Variants in ZNF676 observed in about 807,000 individuals in gnomAD.
ZNF676 encodes the protein zinc finger protein 676.
In ZNF676, 4 loss-of-function variants were observed where a neutral mutation model predicts 6.0. That is an observed-to-expected ratio of 0.67 (90% CI 0.33 to 1.53). The LOEUF (loss-of-function observed/expected upper bound fraction) is 1.53, where lower values mean the gene tolerates loss of function less well. Ranked by LOEUF, ZNF676 falls within the 40% of genes most tolerant of loss-of-function variation. The pLI, the probability that ZNF676 is intolerant of heterozygous loss-of-function variation, is 0.06. For missense variants in ZNF676, 644 were observed against 679.7 expected, an observed-to-expected ratio of 0.95 and a Z score of 0.58; for synonymous variants, 198 against 223.1, an observed-to-expected ratio of 0.89 and a Z score of 1.00.
the ZNF676 span, among the ~76,000 whole-genome samples, chr19:22,247,424 C>T: frequency 2.6e-5 from 4 of 152,050 alleles, no homozygotes; most frequent in East Asian, 3.9e-4. Context: ...ACTAGCTGGG[C>T]GTGTTGACAT....
rs775446763 is a variant in ZNF676 at position 22,180,253 on chromosome 19, C to G, written c.1464G>C (p.Thr488=). ...TCTTATGTTTAGTAAGGATTGAGAACGTACTAAAGCCTTTGCCACATTCTT... is the reference window on the plus strand; with the variant it reads ...TCTTATGTTTAGTAAGGATTGAGAAGGTACTAAAGCCTTTGCCACATTCTT... ...KCEECGKGFS[T]FSILTKHKII... The change falls in exon 3 of 3, where the codon ACG becomes ACC. Residue 488 remains threonine (T), a synonymous_variant. Transcript: ENST00000397121. The G allele has an allele frequency of 6.2e-7, 1 of 1,611,418 alleles. No individual in the cohort carries two copies. The highest frequency in any genetic ancestry group is 1.3e-5 in the African/African-American group (1 of 74,252).
upstream of ZNF676, among the ~76,000 whole-genome samples, chr19:22,217,233 G>T (rs1447952976): frequency 6.6e-6 from 1 of 151,768 alleles, no homozygotes; most frequent in East Asian, 1.9e-4. Context: ...ACAGAGTTTC[G>T]CTCTTATTGC....
the ZNF676 span, among the ~76,000 whole-genome samples, chr19:22,235,076 G>A: frequency 2.0e-5 from 3 of 148,066 alleles, no homozygotes; most frequent in African/African-American, 7.6e-5. Flanking sequence ...AAGGAAGTCA[G>A]GAAGGCAGGA....
intron 1 of ZNF676, among the ~76,000 whole-genome samples, chr19:22,196,056 A>G (rs2023963391): frequency 6.6e-6 from 1 of 152,176 alleles, no homozygotes; most frequent in African/African-American, 2.4e-5. Flanking sequence ...ACCAATCACA[A>G]AATGAGAGCT....
At chr19:22,224,414 C>T in the ZNF676 span, among the ~76,000 whole-genome samples, 1 of 141,452 alleles carries the variant, frequency 7.1e-6, no homozygotes, top group Non-Finnish European at 1.6e-5. Context: ...GTGTTTTTAT[C>T]TATAAATATG....
chr19:22,181,922 T>C (rs985688264), intron 2 of ZNF676, among the ~76,000 whole-genome samples: 3 of 143,622 alleles, frequency 2.1e-5, no homozygotes, highest in Admixed American at 1.4e-4. Flanking sequence ...AAATTGTCCA[T>C]TTCTGATTTT....
chr19:22,186,461 G>A (rs564433040), intron 2 of ZNF676, among the ~76,000 whole-genome samples: 2 of 152,272 alleles, frequency 1.3e-5, no homozygotes, highest in South Asian at 2.1e-4. Context: ...ACACTATGAA[G>A]AAACTGCATC....
intron 1 of ZNF676, among the ~76,000 whole-genome samples, chr19:22,194,919 C>T (rs975537542): frequency 2.6e-5 from 4 of 152,144 alleles, no homozygotes; most frequent in African/African-American, 9.7e-5. Flanking sequence ...GACAAACCTA[C>T]CAAAGTACCC....
At chr19:22,255,267 A>C in the ZNF676 span, among the ~76,000 whole-genome samples, 52,854 of 151,864 alleles carry the variant, frequency 0.35, 9,725 homozygotes, top group South Asian at 0.5. Flanking sequence ...AGAACCTCAA[A>C]ATTGGCTGGG....
chr19:22,247,938 T>C, the ZNF676 span, among the ~76,000 whole-genome samples: 1 of 118,258 alleles, frequency 8.5e-6, no homozygotes, highest in Non-Finnish European at 1.6e-5. Flanking sequence ...GATGTTCCCC[T>C]TCCTGTGTCC....
intron 1 of ZNF676, among the ~76,000 whole-genome samples, chr19:22,204,184 A>G (rs1163090263): frequency 1.3e-5 from 2 of 152,126 alleles, no homozygotes; most frequent in Non-Finnish European, 2.9e-5. Flanking sequence ...CCTACCTATA[A>G]TTTTTCCTAT....
the ZNF676 span, among the ~76,000 whole-genome samples, chr19:22,254,600 A>G: frequency 6.6e-6 from 1 of 152,300 alleles, no homozygotes; most frequent in African/African-American, 2.4e-5. Flanking sequence ...GAAGAGTCAC[A>G]TCACCTAGGT....
chr19:22,205,569 T>C (rs932933509), intron 1 of ZNF676, among the ~76,000 whole-genome samples: 2 of 152,226 alleles, frequency 1.3e-5, no homozygotes, highest in South Asian at 2.1e-4. Context: ...TTTTGGTAAA[T>C]AATGAAATTA....
chr19:22,201,409 A>G (rs1269365941), upstream of ZNF676, among the ~76,000 whole-genome samples: 3 of 152,184 alleles, frequency 2.0e-5, no homozygotes, highest in Non-Finnish European at 4.4e-5. Context: ...GGTTTTCTGT[A>G]AATTCTCAAT....
the ZNF676 span, chr19:22,243,475 T>C: frequency 6.6e-6 from 1 of 151,996 alleles, no homozygotes; most frequent in Admixed American, 6.5e-5. Context: ...GGTGCATAGA[T>C]ATGTTACAGA....
the ZNF676 span, among the ~76,000 whole-genome samples, chr19:22,228,409 G>T: frequency 6.6e-6 from 1 of 152,150 alleles, no homozygotes; most frequent in Non-Finnish European, 1.5e-5. Flanking sequence ...TACTGAATGG[G>T]CAAAACCTGG....
the ZNF676 span, chr19:22,244,358 A>G: frequency 1.3e-5 from 2 of 152,178 alleles, no homozygotes; most frequent in Non-Finnish European, 2.9e-5. Flanking sequence ...ATAACTCTTT[A>G]TGACATTCAT....
the ZNF676 span, among the ~76,000 whole-genome samples, chr19:22,221,795 A>G: frequency 6.6e-6 from 1 of 151,924 alleles, no homozygotes. Context: ...TATATGGTCT[A>G]TCTTGAAGAA....
intron 2 of ZNF676, among the ~76,000 whole-genome samples, chr19:22,187,423 G>A (rs1252052563): frequency 2.6e-5 from 4 of 152,110 alleles, no homozygotes; most frequent in Non-Finnish European, 4.4e-5. Context: ...AAGCAGGAAA[G>A]ATCTAAAATT....
Sources: gnomAD v4.1 joint callset for allele counts (sites outside exome capture counted in the v4.1 genomes callset) on GRCh38, gnomAD v4.1.1 for gene constraint, MANE v1.5 for transcripts, NCBI Gene and HGNC (gene_info 2026-07-23, HGNC 2026-07-21) for gene names.